Variants in DOCK8 observed in about 807,000 individuals in gnomAD.
DOCK8 encodes dedicator of cytokinesis protein 8.
In DOCK8, 141 loss-of-function variants were observed where a neutral mutation model predicts 245.6. The ratio of observed to expected loss-of-function variants is 0.57; its 90% confidence interval spans 0.50 to 0.66. DOCK8 has a LOEUF of 0.66. Ranked by LOEUF, DOCK8 falls within the 30% of genes least tolerant of loss-of-function variation. The pLI is 0.00. For missense variants in DOCK8, 2,965 were observed against 2,603.4 expected (o/e 1.14, Z -3.02); for synonymous variants, 1,168 against 970.2 (o/e 1.20, Z -3.79).
At chr9:245,697 A>T (rs1346756286) in intron 1 of DOCK8, among the ~76,000 whole-genome samples, 1 of 152,168 alleles carries the variant, frequency 6.6e-6, no homozygotes, top group African/African-American at 2.4e-5. Context: ...GAATAAAGGA[A>T]AAAACTAACA....
At chr9:435,230 C>G (rs2056858493) in intron 39 of DOCK8, among the ~76,000 whole-genome samples, 1 of 152,198 alleles carries the variant, frequency 6.6e-6, no homozygotes, top group African/African-American at 2.4e-5. Context: ...ATTCCAAGTT[C>G]ATACATTACA....
At chr9:213,552 T>C (rs1360343591), upstream of DOCK8, 2 of 152,188 alleles carry the variant, frequency 1.3e-5, no homozygotes, top group Non-Finnish European at 2.9e-5. Flanking sequence ...ATGAAAATCA[T>C]TAACAAGACA....
chr9:294,190 C>T (rs785854), intron 4 of DOCK8, among the ~76,000 whole-genome samples: 137,244 of 152,086 alleles, frequency 0.9, 61,974 homozygotes, highest in Admixed American at 0.93. Context: ...TCCTAAGTTA[C>T]TGAAACTAAA....
rs779309651 is a variant in DOCK8 at position 311,917 on chromosome 9, C to CGT, written c.529-36_529-35dup. 7 of 1,607,866 alleles carry CGT rather than the reference C, an allele frequency of 4.4e-6. No homozygotes were observed. The African/African-American group carries it at 9.3e-5, about 21-fold the overall frequency. On this transcript the variant is annotated intron_variant, in intron 5 of 47. Coordinates refer to ENST00000432829, the MANE Select transcript of DOCK8 (RefSeq NM_203447.4). ...TCTTCGGTTCTCATTTTAGACTTGCCGTCTCTCTCACAAAGACCCACTGTT... is the reference window on the plus strand; with the variant it reads ...TCTTCGGTTCTCATTTTAGACTTGCCGTGTCTCTCTCACAAAGACCCACTGTT...
At chr9:407,231 C>T (rs1317114726) in intron 28 of DOCK8, among the ~76,000 whole-genome samples, 162 bp downstream of exon 28, 1 of 152,092 alleles carries the variant, frequency 6.6e-6, no homozygotes, top group Non-Finnish European at 1.5e-5. Flanking sequence ...CCCATAAGCA[C>T]AAGGCACAAG....
intron 2 of DOCK8, among the ~76,000 whole-genome samples, chr9:274,847 A>G (rs751349499): frequency 6.6e-6 from 1 of 152,208 alleles, no homozygotes; most frequent in Non-Finnish European, 1.5e-5. Flanking sequence ...AATAAGACCA[A>G]GTGCGTTCTG....
At chr9:279,813 C>A (rs2048503801) in intron 2 of DOCK8, among the ~76,000 whole-genome samples, 1 of 152,232 alleles carries the variant, frequency 6.6e-6, no homozygotes, top group Non-Finnish European at 1.5e-5. Flanking sequence ...CTGGAGACAT[C>A]ATGCCTCTTC....
chr9:233,457 A>C (rs1026181121), intron 1 of DOCK8, among the ~76,000 whole-genome samples: 4 of 151,978 alleles, frequency 2.6e-5, no homozygotes, highest in African/African-American at 9.7e-5. Flanking sequence ...ATCCTTGTTG[A>C]CTTTCTGTCT....
chr9:398,412 A>G (rs900227819), intron 25 of DOCK8, among the ~76,000 whole-genome samples: 1 of 152,220 alleles, frequency 6.6e-6, no homozygotes, highest in Non-Finnish European at 1.5e-5. Context: ...GTTTCAAACC[A>G]TATTTTTAAT....
Position 399,148 on chromosome 9 carries a change from A to C in DOCK8, c.3123A>C (p.Glu1041Asp), listed in dbSNP as rs377274335. The change falls in exon 26 of 48, where the codon GAA becomes GAC. Residue 1041 changes from glutamate (E) to aspartate (D), a missense_variant and splice_region_variant. This residue lies in a region of DOCK8 where 2,825 missense variants were observed against 2,453.5 expected (regional missense o/e 1.15). Transcript: ENST00000432829. ...IAALLVKPQK[E>D]NEQAEKMNIS... ...TTGGGTGTTTGTTTGTTTTTAAGGA[A>C]AATGAACAGGCGGAAAAGATGAACA... 1.5e-5 allele frequency: 25 copies of C among 1,613,950 alleles called. No homozygotes were observed. Among genetic ancestry groups the C allele is most frequent in the African/African-American group, 2.7e-5 (2 of 75,058 alleles).
At position 464,423 on chromosome 9, in the gene DOCK8, C is replaced by A. The variant is rs569685446; in HGVS notation, c.*204C>A. 69 of 636,244 alleles carry A rather than the reference C, an allele frequency of 1.1e-4. 2 individuals carry two copies. The South Asian group carries it at 1.2e-3, about 11-fold the overall frequency. 39.4% of individuals were successfully genotyped at this position (636,244 alleles called of 1,614,324 possible). On this transcript the variant is annotated 3_prime_UTR_variant, in exon 48 of 48. Transcript: ENST00000432829. ...AGATTTTTGCCATACTGGGGGGTGG[C>A]GGGATGGAGGATGGGTACTCAGGCA...
At chr9:278,326 G>T (rs2048440597) in intron 2 of DOCK8, among the ~76,000 whole-genome samples, 1 of 152,222 alleles carries the variant, frequency 6.6e-6, no homozygotes, top group African/African-American at 2.4e-5. Context: ...CGATATCACA[G>T]AAGCTAGAAG....
rs991770203 is a variant in DOCK8, at chr9:318,212, G to T, written c.827+1084G>T. 2.6e-5 allele frequency among the ~76,000 whole-genome samples: 4 copies of T among 152,174 alleles called. No homozygotes were observed. The East Asian group carries it at 5.8e-4, about 22-fold the overall frequency. On this transcript the variant is annotated intron_variant, in intron 7 of 47. Coordinates refer to ENST00000432829, the MANE Select transcript of DOCK8 (RefSeq NM_203447.4). Reference sequence around the variant, plus strand: ...GAATTAGTTCTCCTTCAAATCCACAGATGAAAACTTTAAAGTTGTACATAT... The same window carrying T: ...GAATTAGTTCTCCTTCAAATCCACATATGAAAACTTTAAAGTTGTACATAT...
rs186105479 is a variant in DOCK8, at chr9:414,504, A to T, written c.3531-278A>T. On this transcript the variant is annotated intron_variant, in intron 28 of 47. Coordinates refer to ENST00000432829, the MANE Select transcript of DOCK8 (RefSeq NM_203447.4). ...TAGAACACAGGCAGTCTGTTTCTGG[A>T]TTCTATATAGTTCTATCCTGTATTG... Among the ~76,000 whole-genome samples the T allele has an allele frequency of 3.4e-5, 5 of 149,046 alleles. No homozygotes were observed. In the East Asian group the frequency reaches 9.8e-4, roughly 29 times the overall value.
At chr9:392,956 T>A (rs1193471963) in intron 24 of DOCK8, among the ~76,000 whole-genome samples, 1 of 151,634 alleles carries the variant, frequency 6.6e-6, no homozygotes, top group Non-Finnish European at 1.5e-5. Context: ...TGTGGTAACA[T>A]GTGCTTGTAG....
chr9:412,950 C>G (rs981315053), intron 28 of DOCK8, among the ~76,000 whole-genome samples: 19 of 151,002 alleles, frequency 1.3e-4, no homozygotes, highest in Non-Finnish European at 2.5e-4. Context: ...CCAGTATAGC[C>G]AAAACAACCT....
intron 9 of DOCK8, among the ~76,000 whole-genome samples, chr9:331,450 C>T (rs546718114): frequency 6.6e-6 from 1 of 152,184 alleles, no homozygotes; most frequent in Non-Finnish European, 1.5e-5. Context: ...CCCATAAATG[C>T]CCCTTTATCA....
Position 268,500 on chromosome 9 carries a change from T to A in DOCK8, c.54-3127T>A, listed in dbSNP as rs568830551. On this transcript the variant is annotated intron_variant, in intron 1 of 47. Coordinates refer to ENST00000432829, the MANE Select transcript of DOCK8 (RefSeq NM_203447.4). The stretch of plus-strand genomic sequence containing the variant: ...TAGGACAACAGATCTTGCTTCAAAA[T>A]GAAAGCAAGACCCTATCCTTCCTGC... 1.1e-4 allele frequency among the ~76,000 whole-genome samples: 16 copies of A among 152,298 alleles called. 1 individual carries two copies. In the South Asian group the frequency reaches 2.5e-3, roughly 24 times the overall value.
chr9:238,412 G>C (rs752390117), intron 1 of DOCK8, among the ~76,000 whole-genome samples: 11 of 152,156 alleles, frequency 7.2e-5, no homozygotes, highest in Admixed American at 2.6e-4. Flanking sequence ...CTGGCACAGG[G>C]TTCCACACTT....
Sources: allele counts gnomAD v4.1 joint callset (sites outside exome capture counted in the v4.1 genomes callset), GRCh38; gene constraint gnomAD v4.1.1; regional missense constraint gnomAD v4.1.1; transcripts MANE v1.5; gene names NCBI Gene and HGNC (gene_info 2026-07-23, HGNC 2026-07-21).